Variants in KIAA0040 observed in about 807,000 individuals in gnomAD.
KIAA0040 encodes uncharacterized protein KIAA0040.
In KIAA0040, 10 loss-of-function variants were observed where a neutral mutation model predicts 7.2. That is an observed-to-expected ratio of 1.38 (90% CI 0.85 to 2.34). The LOEUF (loss-of-function observed/expected upper bound fraction) is 2.34, where lower values mean the gene tolerates loss of function less well. Among genes scored for constraint, KIAA0040 ranks in the 30% most tolerant of loss-of-function variants. KIAA0040 has a pLI of 0.00. For synonymous variants in KIAA0040, 49 were observed against 40.1 expected (o/e 1.22, Z -0.84); for missense variants, 89 against 108.2 (o/e 0.82, Z 0.79).
chr1:175,192,817 G>GCCCCCCCCCCCCCCCC (rs1558405268), upstream of KIAA0040: 29 of 123,510 alleles, frequency 2.3e-4, no homozygotes, highest in East Asian at 7.6e-4. Flanking sequence ...CGTGGGAGCC[G>GCCCCCCCCCCCCCCCC]CCCGCCCCGC....
In KIAA0040 at chr1:175,185,130, C is replaced by T. The variant is rs76622465; in HGVS notation, c.-383-7446G>A. Among the ~76,000 whole-genome samples the T allele has an allele frequency of 2.0e-3, 300 of 152,068 alleles. 1 individual carries two copies. Among genetic ancestry groups the T allele is most frequent in the African/African-American group, 7.0e-3 (290 of 41,456 alleles). On this transcript the variant is annotated intron_variant, in intron 1 of 3. Transcript: ENST00000423313. ...AGTGCTGATAGGACACTGAAATGCA[C>T]ATTGGATTTTAAATTAGGGATGCTG...
intron 1 of KIAA0040, among the ~76,000 whole-genome samples, chr1:175,188,996 C>T (rs1677770285): frequency 6.6e-6 from 1 of 152,164 alleles, no homozygotes; most frequent in Admixed American, 6.5e-5. Flanking sequence ...CTGGTCCCTC[C>T]ATTAACCAGC....
Position 175,160,373 on chromosome 1 carries a change from G to A in KIAA0040, c.*341C>T, listed in dbSNP as rs545694401. On this transcript the variant is annotated 3_prime_UTR_variant, in exon 4 of 4. Coordinates refer to ENST00000423313, the MANE Select transcript of KIAA0040 (RefSeq NM_014656.3). ...CTGAATTTGTGTGTGTGTGTGTTAC[G>A]TGCATGTGCACACACTTGGGAACCA... 7 of 250,782 alleles carry A rather than the reference G, an allele frequency of 2.8e-5. No homozygotes were observed. Among genetic ancestry groups the A allele is most frequent in the Middle Eastern group, 1.3e-3 (1 of 764 alleles). The allele number at this position is 250,782 out of a possible 1,614,324, so 15.5% of individuals were successfully genotyped here.
rs901981999 is a variant in KIAA0040, at chr1:175,166,646, G to A, written c.-218C>T. On this transcript the variant is annotated 5_prime_UTR_variant, in exon 3 of 4. Transcript: ENST00000423313. ...TTGCTTTGCGTTGTCAGGGGATCTC[G>A]GCCAGAACTGCTTTCCTGGAGGTCA... The A allele has an allele frequency of 2.6e-5, 4 of 152,312 alleles. No individual in the cohort carries two copies. Among genetic ancestry groups the A allele is most frequent in the African/African-American group, 7.2e-5 (3 of 41,540 alleles). 9.4% of individuals were successfully genotyped at this position (152,312 alleles called of 1,614,324 possible).
chr1:175,165,630 G>C (rs1043989028), intron 3 of KIAA0040, among the ~76,000 whole-genome samples: 2 of 152,204 alleles, frequency 1.3e-5, no homozygotes, highest in Non-Finnish European at 2.9e-5. Context: ...GGTCGCTTGG[G>C]GAACATCTGA....
At chr1:175,174,846 C>G (rs1677124081) in intron 2 of KIAA0040, among the ~76,000 whole-genome samples, 1 of 151,874 alleles carries the variant, frequency 6.6e-6, no homozygotes, top group African/African-American at 2.4e-5. Flanking sequence ...CTGACCACAT[C>G]CTGGTATTAG....
chr1:175,188,185 T>C (rs1677737156), intron 1 of KIAA0040, among the ~76,000 whole-genome samples: 2 of 152,184 alleles, frequency 1.3e-5, no homozygotes, highest in South Asian at 2.1e-4. Context: ...GGGATTGGGT[T>C]TGGATGCCGC....
In KIAA0040 at chr1:175,174,818, T is replaced by TAC. The variant is rs1553328651; in HGVS notation, c.-310+2791_-310+2792dup. ...CTGTATATACATATATATATATATA[T>TAC]ACACATACATACATGATCTGACCAC... On this transcript the variant is annotated intron_variant, in intron 2 of 3. Coordinates refer to ENST00000423313, the MANE Select transcript of KIAA0040 (RefSeq NM_014656.3). Among the ~76,000 whole-genome samples, 372 of 151,748 alleles carry TAC rather than the reference T, an allele frequency of 2.5e-3. 2 individuals are homozygous for TAC. The highest frequency in any genetic ancestry group is 0.014 in the Middle Eastern group (4 of 294).
At chr1:175,163,760 A>T (rs1356994595) in intron 3 of KIAA0040, among the ~76,000 whole-genome samples, 2 of 152,158 alleles carry the variant, frequency 1.3e-5, no homozygotes, top group Non-Finnish European at 2.9e-5. Flanking sequence ...TTCACGTTAG[A>T]TAACACCACC....
At chr1:175,172,322 A>G (rs1474874747) in intron 2 of KIAA0040, among the ~76,000 whole-genome samples, 1 of 152,238 alleles carries the variant, frequency 6.6e-6, no homozygotes, top group Non-Finnish European at 1.5e-5. Flanking sequence ...AGGTCAAGGA[A>G]ATTTCCTAAT....
At chr1:175,175,353 A>G (rs992311383) in intron 2 of KIAA0040, among the ~76,000 whole-genome samples, 4 of 151,462 alleles carry the variant, frequency 2.6e-5, no homozygotes, top group Admixed American at 6.6e-5. Context: ...TTAGAATGGC[A>G]ATCATTAAAA....
chr1:175,167,900 T>TC (rs1207389320), intron 2 of KIAA0040, among the ~76,000 whole-genome samples: 1 of 151,626 alleles, frequency 6.6e-6, no homozygotes, highest in Non-Finnish European at 1.5e-5. Context: ...TTTTTTTTTT[T>TC]CCTTTCCAAA....
chr1:175,168,264 C>T (rs1425000346), intron 2 of KIAA0040, among the ~76,000 whole-genome samples: 1 of 152,182 alleles, frequency 6.6e-6, no homozygotes, highest in Non-Finnish European at 1.5e-5. Flanking sequence ...AAATGATCTG[C>T]TTGTAGAACA....
chr1:175,174,787 C>T lies in KIAA0040; in HGVS notation c.-310+2824G>A, dbSNP rs149115140. 1.4e-3 allele frequency among the ~76,000 whole-genome samples: 190 copies of T among 135,994 alleles called. 1 individual carries two copies. In the East Asian group the frequency reaches 0.035, roughly 25 times the overall value. 89.2% of individuals were successfully genotyped at this position (135,994 alleles called of 152,430 possible). On this transcript the variant is annotated intron_variant, in intron 2 of 3. Coordinates refer to ENST00000423313, the MANE Select transcript of KIAA0040 (RefSeq NM_014656.3). ...CTCTAATACCACTTACACTTCTATT[C>T]GTCATCTGTATATACATATATATAT...
At chr1:175,178,844 A>G (rs1258317157) in intron 1 of KIAA0040, among the ~76,000 whole-genome samples, 3 of 152,186 alleles carry the variant, frequency 2.0e-5, no homozygotes, top group Non-Finnish European at 4.4e-5. Flanking sequence ...TGTCCTGCAA[A>G]GTTGAATTTT....
At chr1:175,183,395 T>C (rs1326730059) in intron 1 of KIAA0040, among the ~76,000 whole-genome samples, 6 of 152,206 alleles carry the variant, frequency 3.9e-5, no homozygotes, top group African/African-American at 1.2e-4. Context: ...CTATGCTATG[T>C]CCATGGGCCA....
At chr1:175,187,955 G>T (rs1192195909) in intron 1 of KIAA0040, among the ~76,000 whole-genome samples, 1 of 152,142 alleles carries the variant, frequency 6.6e-6, no homozygotes, top group African/African-American at 2.4e-5. Context: ...TTGAAATTAG[G>T]GTTGTATTTG....
chr1:175,189,719 C>T (rs1233003522), intron 1 of KIAA0040, among the ~76,000 whole-genome samples: 1 of 152,216 alleles, frequency 6.6e-6, no homozygotes, highest in Non-Finnish European at 1.5e-5. Flanking sequence ...AAACCCCTTA[C>T]ATTTTTATAG....
rs1279665556 is a variant in KIAA0040 at position 175,158,443 on chromosome 1, G to C, written c.*2271C>G. 1 of 152,172 alleles carries C rather than the reference G, an allele frequency of 6.6e-6. No individual in the cohort carries two copies. Among genetic ancestry groups the C allele is most frequent in the African/African-American group, 2.4e-5 (1 of 41,428 alleles). 9.4% of individuals were successfully genotyped at this position (152,172 alleles called of 1,614,324 possible). On this transcript the variant is annotated 3_prime_UTR_variant, in exon 4 of 4. Transcript: ENST00000423313. ...AAACCATGTTACTTGTATGGTCCCG[G>C]ATCCCGGTGATCCGCCCTCCTAGAT...
Sources: gnomAD v4.1 joint callset for allele counts (sites outside exome capture counted in the v4.1 genomes callset) on GRCh38, gnomAD v4.1.1 for gene constraint, MANE v1.5 for transcripts, NCBI Gene and HGNC (gene_info 2026-07-23, HGNC 2026-07-21) for gene names.